Variants in OCA2 observed in about 807,000 individuals in gnomAD.
The protein encoded by OCA2 is P protein.
In OCA2, 77 loss-of-function variants were observed where a neutral mutation model predicts 100.2. The observed-to-expected ratio is 0.77, with a 90% CI of 0.64 to 0.93. The LOEUF (loss-of-function observed/expected upper bound fraction) is 0.93, where lower values mean the gene tolerates loss of function less well. Among genes scored for constraint, OCA2 ranks in the 40% least tolerant of loss-of-function variants. The pLI is 0.00. For synonymous variants in OCA2, 432 were observed against 439.2 expected (o/e 0.98, Z 0.21); for missense variants, 1,062 against 1,089.1 (o/e 0.98, Z 0.35).
intron 19 of OCA2, among the ~76,000 whole-genome samples, chr15:27,905,057 G>A (rs1036521682): frequency 6.6e-6 from 1 of 151,830 alleles, no homozygotes; most frequent in Admixed American, 6.6e-5. Context: ...CCAACTACTC[G>A]GGAGGCTGAG....
intron 14 of OCA2, among the ~76,000 whole-genome samples, chr15:27,975,804 T>G (rs2040946813): frequency 6.6e-6 from 1 of 152,220 alleles, no homozygotes; most frequent in Non-Finnish European, 1.5e-5. Context: ...AGCTTGTCAA[T>G]TTCTACCCAA....
At chr15:28,032,227 T>G in intron 2 of OCA2, 64 bp from the exon 3 acceptor site, 1 of 1,216,310 alleles carries the variant, frequency 8.2e-7, no homozygotes, top group Non-Finnish European at 1.2e-6. Context: ...TTCCCAGCAC[T>G]CAGGTGCTAG....
chr15:28,076,135 G>A (rs2044419603), intron 2 of OCA2, among the ~76,000 whole-genome samples: 1 of 152,144 alleles, frequency 6.6e-6, no homozygotes, highest in Admixed American at 6.5e-5. Context: ...GCACAATTAT[G>A]TAAAAACTTG....
Position 27,871,168 on chromosome 15 carries a change from A to T in OCA2, c.2230T>A (p.Phe744Ile), listed in dbSNP as rs1401716446. 6.2e-7 allele frequency: 1 copy of T among 1,613,592 alleles called. No homozygotes were observed. The highest frequency in any genetic ancestry group is 1.3e-5 in the African/African-American group (1 of 74,902). ...GTGCAACTCACCATGGTAGCAGTGA[A>T]CGGGATGTTGTCAATCAGGGACGAC... is the stretch of plus-strand genomic sequence containing the variant. ...LASSLIDNIPFTATMIPVLLN... is the reference protein window; with the variant it reads ...LASSLIDNIPITATMIPVLLN... Residue 744 changes from phenylalanine to isoleucine, a missense_variant, in exon 21 of 24, where the codon TTC (phenylalanine) becomes ATC (isoleucine). Coordinates refer to ENST00000354638, the MANE Select transcript of OCA2 (RefSeq NM_000275.3).
intron 18 of OCA2, among the ~76,000 whole-genome samples, chr15:27,932,860 C>T (rs956870714): frequency 3.3e-5 from 5 of 151,586 alleles, no homozygotes; most frequent in Non-Finnish European, 5.9e-5. Context: ...CTACAGCCTT[C>T]GATTATAAAA....
At chr15:28,069,474 A>T (rs1319092585) in intron 2 of OCA2, among the ~76,000 whole-genome samples, 1 of 118,126 alleles carries the variant, frequency 8.5e-6, no homozygotes, top group Non-Finnish European at 1.7e-5. Context: ...CCGAAGCTGG[A>T]CTGTACTGCT....
chr15:27,759,644 A>T (rs1053959919), intron 23 of OCA2, among the ~76,000 whole-genome samples: 1 of 152,080 alleles, frequency 6.6e-6, no homozygotes, highest in East Asian at 1.9e-4. Context: ...ATGTGTATTC[A>T]CCAAATAACT....
At chr15:27,803,431 G>C (rs1314255430) in intron 23 of OCA2, among the ~76,000 whole-genome samples, 2 of 152,142 alleles carry the variant, frequency 1.3e-5, no homozygotes, top group African/African-American at 4.8e-5. Flanking sequence ...GCTACAACGT[G>C]GATGGGCCTT....
chr15:28,049,505 A>T lies in OCA2; in HGVS notation c.228-17342T>A, dbSNP rs376590929. ...AAAATAATGGAAAGCAGGGACTCAG[A>T]TACTTATACACCAATATTCATTGCC... On this transcript the variant is annotated intron_variant, in intron 2 of 23. Coordinates refer to ENST00000354638, the MANE Select transcript of OCA2 (RefSeq NM_000275.3). Among the ~76,000 whole-genome samples, 70 of 152,372 alleles carry T rather than the reference A, an allele frequency of 4.6e-4. No individual in the cohort carries two copies. The East Asian group carries it at 8.9e-3, about 19-fold the overall frequency.
intron 15 of OCA2, among the ~76,000 whole-genome samples, chr15:27,965,092 C>T (rs1435544237): frequency 6.6e-6 from 1 of 152,084 alleles, no homozygotes; most frequent in African/African-American, 2.4e-5. Context: ...ACAATTGTCC[C>T]AGGTCACTGT....
At chr15:27,906,299 G>A (rs1361892317) in intron 19 of OCA2, among the ~76,000 whole-genome samples, 1 of 151,908 alleles carries the variant, frequency 6.6e-6, no homozygotes, top group African/African-American at 2.4e-5. Flanking sequence ...CCATAAATAT[G>A]CAACAACTAT....
chr15:27,770,899 T>TTC (rs2031747695), intron 23 of OCA2, among the ~76,000 whole-genome samples: 1 of 33,624 alleles, frequency 3.0e-5, no homozygotes, highest in Non-Finnish European at 6.6e-5. Context: ...CCCATCTCCT[T>TTC]TTCCTTCCTT....
At chr15:28,031,261 A>C (rs2042899430) in intron 3 of OCA2, among the ~76,000 whole-genome samples, 1 of 152,232 alleles carries the variant, frequency 6.6e-6, no homozygotes, top group African/African-American at 2.4e-5. Flanking sequence ...TGTTTCCCAA[A>C]TGGCTATCCT....
intron 23 of OCA2, among the ~76,000 whole-genome samples, chr15:27,819,284 G>A (rs753336896): frequency 1.8e-4 from 28 of 152,196 alleles, no homozygotes; most frequent in Non-Finnish European, 3.2e-4. Flanking sequence ...AATGGCCTGC[G>A]CAGTAAGCAG....
Position 28,079,924 on chromosome 15 carries a change from C to T in OCA2, c.227+1724G>A, listed in dbSNP as rs531613373. On this transcript the variant is annotated intron_variant, in intron 2 of 23. Coordinates refer to ENST00000354638, the MANE Select transcript of OCA2 (RefSeq NM_000275.3). ...ATCCTGCCTGGCTGCCCAGGGCCTC[C>T]TGCCTGTGGAGCTCATGACAGGCCC... 4.0e-4 allele frequency among the ~76,000 whole-genome samples: 61 copies of T among 152,328 alleles called. No homozygotes were observed. In the East Asian group the frequency reaches 7.1e-3, roughly 18 times the overall value.
At chr15:28,038,655 C>A (rs1370223084) in intron 2 of OCA2, among the ~76,000 whole-genome samples, 1 of 151,776 alleles carries the variant, frequency 6.6e-6, no homozygotes, top group Non-Finnish European at 1.5e-5. Context: ...ACTGAAAAAC[C>A]GAAAAAAACA....
At chr15:27,765,820 C>T (rs1046817544) in intron 23 of OCA2, among the ~76,000 whole-genome samples, 3 of 152,226 alleles carry the variant, frequency 2.0e-5, no homozygotes, top group Non-Finnish European at 2.9e-5. Flanking sequence ...ATGAGCAGTG[C>T]GAACAATCAG....
intron 9 of OCA2, among the ~76,000 whole-genome samples, chr15:27,991,527 A>G (rs188813653): frequency 3.3e-4 from 50 of 152,360 alleles, no homozygotes; most frequent in African/African-American, 1.2e-3. Flanking sequence ...AAGTAAATTT[A>G]GAGAAACAGA....
At chr15:27,960,030 T>C (rs1038253818) in intron 15 of OCA2, among the ~76,000 whole-genome samples, 1 of 152,112 alleles carries the variant, frequency 6.6e-6, no homozygotes, top group Non-Finnish European at 1.5e-5. Context: ...CTCTGTCATT[T>C]CCCCACCCTG....
Sources: allele counts gnomAD v4.1 joint callset (sites outside exome capture counted in the v4.1 genomes callset), GRCh38; gene constraint gnomAD v4.1.1; transcripts MANE v1.5; gene names NCBI Gene and HGNC (gene_info 2026-07-23, HGNC 2026-07-21).